The following ZNF148 variants were observed in gnomAD, a reference collection of about 807,000 sequenced individuals.
ZNF148 encodes Beta-Enolase Repressor Factor-1.
Under a neutral mutation model 67.7 loss-of-function variants are expected in ZNF148, and 7 were observed. That is an observed-to-expected ratio of 0.10 (90% CI 0.06 to 0.19). The LOEUF is 0.19. ZNF148 is among the 10% of genes least tolerant of loss of function. The pLI, the probability that ZNF148 is intolerant of heterozygous loss-of-function variation, is 1.00. For missense variants in ZNF148, 583 were observed against 947.1 expected, an observed-to-expected ratio of 0.62 and a Z score of 5.05; for synonymous variants, 333 against 330.7, an observed-to-expected ratio of 1.01 and a Z score of -0.08.
rs748467676 is a variant in ZNF148, at chr3:125,279,282, A to G, written c.460-35T>C. 17 of 1,479,624 alleles carry G rather than the reference A, an allele frequency of 1.1e-5. No individual in the cohort carries two copies. The East Asian group carries it at 1.9e-4, about 16-fold the overall frequency. The allele number at this position is 1,479,624 out of a possible 1,614,324, so 91.7% of individuals were successfully genotyped here. A position where few individuals can be genotyped will look rare whatever the true frequency, so the allele number is the denominator to read the frequency against. ...AAAAAAAAAGGCAAAAACAAAAGAA[A>G]TAAGTTTTTAAAATGTAATTAAATA... On this transcript the variant is annotated intron_variant, in intron 5 of 8. Coordinates refer to ENST00000360647, the MANE Select transcript of ZNF148 (RefSeq NM_021964.3).
chr3:125,268,495 G>C lies in ZNF148; in HGVS notation c.667+9231C>G, dbSNP rs1029438246. ...CTAATAAATGGTGCAGTGGAAACTA[G>C]CTAACCATATCCAAAAGAATGAAAG... On this transcript the variant is annotated intron_variant, in intron 7 of 8. Transcript: ENST00000360647. 9.2e-5 allele frequency among the ~76,000 whole-genome samples: 14 copies of C among 152,224 alleles called. 1 individual carries two copies. The South Asian group carries it at 1.0e-3, about 11-fold the overall frequency.
In ZNF148 at chr3:125,233,078, G is replaced by A; in HGVS notation, c.1648C>T (p.His550Tyr). 1 of 1,613,458 alleles carries A rather than the reference G, an allele frequency of 6.2e-7. No individual in the cohort carries two copies. Among genetic ancestry groups the A allele is most frequent in the Non-Finnish European group, 8.5e-7 (1 of 1,179,840 alleles). Residue 550 changes from histidine to tyrosine, a missense_variant, in exon 9 of 9, where the codon CAC becomes TAC. Around this residue, in one of 5 missense-constraint regions of ZNF148, gnomAD observed 172 missense variants for 307.7 expected, o/e 0.56. Transcript: ENST00000360647. This position sits in a 1 kb window ranked among gnomAD's most constrained non-coding sequence, Gnocchi z 5.1. The part of the protein sequence containing the change: ...VLQTLLDHYS[H>Y]KANGQHEISF... ...ATCTCATGCTGTCCATTAGCTTTGT[G>A]GGAATAATGATCCAACAGAGTCTGC... is the stretch of plus-strand genomic sequence containing the variant.
intron 3 of ZNF148, among the ~76,000 whole-genome samples, chr3:125,317,114 C>T (rs1940535390): frequency 6.6e-6 from 1 of 152,090 alleles, no homozygotes; most frequent in Admixed American, 6.6e-5. Context: ...AAAGAAATCT[C>T]ACTTCCTTTT....
At chr3:125,333,895 T>C (rs1941390671) in intron 1 of ZNF148, among the ~76,000 whole-genome samples, 1 of 152,234 alleles carries the variant, frequency 6.6e-6, no homozygotes, top group African/African-American at 2.4e-5. Flanking sequence ...CAAACCACTG[T>C]TAAGTAGGGA....
chr3:125,234,076 AT>A, intron 8 of ZNF148, 134 bp downstream of exon 8: 2 of 1,273,564 alleles, frequency 1.6e-6, no homozygotes, highest in South Asian at 3.1e-5. Flanking sequence ...CACTGAGCCA[AT>A]TTTCTATTAT....
chr3:125,297,053 T>C (rs373364705), intron 4 of ZNF148, among the ~76,000 whole-genome samples: 10 of 152,172 alleles, frequency 6.6e-5, no homozygotes, highest in South Asian at 6.2e-4. Flanking sequence ...ATTTTCTTTA[T>C]AGTTTTAAAA....
intron 7 of ZNF148, among the ~76,000 whole-genome samples, chr3:125,254,646 C>G (rs57680878): frequency 6.6e-6 from 1 of 152,026 alleles, no homozygotes; most frequent in African/African-American, 2.4e-5. Context: ...TCTCTTCTGT[C>G]TGACATTAGC....
At position 125,317,217 on chromosome 3, in the gene ZNF148, T is replaced by C. The variant is rs74533610; in HGVS notation, c.-16-3561A>G. 2.0e-4 allele frequency among the ~76,000 whole-genome samples: 30 copies of C among 152,216 alleles called. No individual in the cohort carries two copies. In the East Asian group the frequency reaches 5.8e-3, roughly 29 times the overall value. On this transcript the variant is annotated intron_variant, in intron 3 of 8. Transcript: ENST00000360647. Reference sequence around the variant, plus strand: ...AAACTGTTTTTGAAATACCCTGAAATTTCCCCAAAATACCAGCAAGTACTA... The same window carrying C: ...AAACTGTTTTTGAAATACCCTGAAACTTCCCCAAAATACCAGCAAGTACTA...
chr3:125,270,807 T>C (rs893004845), intron 7 of ZNF148, among the ~76,000 whole-genome samples: 4 of 152,052 alleles, frequency 2.6e-5, no homozygotes, highest in African/African-American at 9.7e-5. Flanking sequence ...GCCCAGGAGG[T>C]GGAGGCTGCA....
intron 7 of ZNF148, among the ~76,000 whole-genome samples, chr3:125,243,299 G>A (rs982212197): frequency 6.6e-6 from 1 of 152,110 alleles, no homozygotes; most frequent in Non-Finnish European, 1.5e-5. Flanking sequence ...GCGTATGTGT[G>A]TGTGGCTATA....
intron 7 of ZNF148, among the ~76,000 whole-genome samples, chr3:125,247,375 C>A (rs1936647561): frequency 6.6e-6 from 1 of 152,124 alleles, no homozygotes; most frequent in Admixed American, 6.5e-5. Flanking sequence ...CATTTATATA[C>A]ACTGTAATAT....
At chr3:125,238,088 C>G (rs1450213045) in intron 7 of ZNF148, among the ~76,000 whole-genome samples, 3 of 151,922 alleles carry the variant, frequency 2.0e-5, no homozygotes, top group Non-Finnish European at 4.4e-5. Context: ...AAGTTAGACC[C>G]CCCCCAACCA....
At chr3:125,246,756 A>G (rs1390096876) in intron 7 of ZNF148, among the ~76,000 whole-genome samples, 3 of 152,224 alleles carry the variant, frequency 2.0e-5, no homozygotes, top group Admixed American at 2.0e-4. Flanking sequence ...TGGGCTATAT[A>G]TCCTAAATGA....
intron 4 of ZNF148, among the ~76,000 whole-genome samples, chr3:125,290,820 A>G (rs1034500106): frequency 6.6e-6 from 1 of 152,182 alleles, no homozygotes; most frequent in Non-Finnish European, 1.5e-5. Flanking sequence ...TGAACAGAAC[A>G]GAGAATAAGG....
chr3:125,342,632 T>C (rs1259795165), intron 1 of ZNF148, among the ~76,000 whole-genome samples: 1 of 150,244 alleles, frequency 6.7e-6, no homozygotes, highest in African/African-American at 2.4e-5. Flanking sequence ...CATAAAAGAC[T>C]GGCTGAAGAA....
intron 1 of ZNF148, among the ~76,000 whole-genome samples, chr3:125,361,155 T>C (rs1391514894): frequency 6.6e-6 from 1 of 152,168 alleles, no homozygotes; most frequent in African/African-American, 2.4e-5. Context: ...TGACCACCTG[T>C]CTCATCTTAC....
chr3:125,356,859 C>T (rs534550264), intron 1 of ZNF148: 15 of 152,220 alleles, frequency 9.9e-5, no homozygotes, highest in African/African-American at 3.6e-4. Context: ...CTGGAAAGGC[C>T]TTAGGATTGT....
At chr3:125,284,591 T>C (rs1173870719) in intron 5 of ZNF148, among the ~76,000 whole-genome samples, 1 of 152,162 alleles carries the variant, frequency 6.6e-6, no homozygotes, top group Non-Finnish European at 1.5e-5. Context: ...AAAATGTTTA[T>C]GTCAGCTTCA....
chr3:125,251,571 T>C (rs935044674), intron 7 of ZNF148, among the ~76,000 whole-genome samples: 3 of 152,206 alleles, frequency 2.0e-5, no homozygotes, highest in African/African-American at 7.2e-5. Context: ...CCTTATGAAC[T>C]TCACATGAAT....
Sources: gnomAD v4.1 joint callset for allele counts (sites outside exome capture counted in the v4.1 genomes callset) on GRCh38, gnomAD v4.1.1 for gene constraint, gnomAD v4.1.1 regional missense constraint, Gnocchi (gnomAD v3.1) non-coding constraint, MANE v1.5 for transcripts, NCBI Gene and HGNC (gene_info 2026-07-23, HGNC 2026-07-21) for gene names.